Variants in IPCEF1 observed in about 807,000 individuals in gnomAD.
IPCEF1 encodes the protein interaction protein for cytohesin exchange factors 1.
Under a neutral mutation model 50.9 loss-of-function variants are expected in IPCEF1, and 31 were observed. The observed-to-expected ratio is 0.61, with a 90% CI of 0.46 to 0.82. IPCEF1 has a LOEUF of 0.82. Among genes scored for constraint, IPCEF1 ranks in the 40% least tolerant of loss-of-function variants. The probability of loss-of-function intolerance (pLI) is 0.00; values close to 1 mark genes in which losing one functional copy is unlikely to be tolerated. For synonymous variants in IPCEF1, 181 were observed against 192.0 expected (o/e 0.94, Z 0.47); for missense variants, 458 against 514.0 (o/e 0.89, Z 1.05).
At chr6:154,195,426 T>C (rs558888187) in intron 10 of IPCEF1, among the ~76,000 whole-genome samples, 5 of 152,092 alleles carry the variant, frequency 3.3e-5, no homozygotes, top group South Asian at 2.1e-4. Context: ...GGATTACAGG[T>C]GTGAGCCACC....
At chr6:154,250,919 T>A (rs1320539840) in intron 3 of IPCEF1, among the ~76,000 whole-genome samples, 1 of 152,184 alleles carries the variant, frequency 6.6e-6, no homozygotes, top group Non-Finnish European at 1.5e-5. Context: ...TACCAATATT[T>A]TAACAACCAA....
In IPCEF1 at chr6:154,353,567, A is replaced by C. The variant is rs180758960; in HGVS notation, c.-62+3105T>G. ...CTCCCAAAGTCCTGGGATTACAGGCATGAGAGCCACCGCACCCGGGCCTAT... is the reference window on the plus strand; with the variant it reads ...CTCCCAAAGTCCTGGGATTACAGGCCTGAGAGCCACCGCACCCGGGCCTAT... On this transcript the variant is annotated intron_variant, in intron 1 of 11. Transcript: ENST00000367220. 2.5e-3 allele frequency among the ~76,000 whole-genome samples: 382 copies of C among 152,312 alleles called. 1 individual carries two copies. The highest frequency in any genetic ancestry group is 8.7e-3 in the African/African-American group (360 of 41,578).
intron 3 of IPCEF1, among the ~76,000 whole-genome samples, chr6:154,256,613 T>TTC (rs1562568735): frequency 6.7e-6 from 1 of 149,584 alleles, no homozygotes. Flanking sequence ...CACTCTCACT[T>TTC]TCTCTCTCTC....
At chr6:154,304,364 C>T (rs1392478508) in intron 1 of IPCEF1, among the ~76,000 whole-genome samples, 1 of 152,142 alleles carries the variant, frequency 6.6e-6, no homozygotes, top group Admixed American at 6.5e-5. Context: ...AGACTTTATT[C>T]ATGTTGAGAA....
Position 154,200,005 on chromosome 6 carries a change from C to A in IPCEF1, c.573G>T (p.Leu191=). 6.2e-7 allele frequency: 1 copy of A among 1,614,056 alleles called. No homozygotes were observed. The highest frequency in any genetic ancestry group is 1.1e-5 in the South Asian group (1 of 91,034). The stretch of plus-strand genomic sequence containing the variant: ...AAGAGAAAGAATACGACGTTCCACT[C>A]AGGCTGGGTGAGGATGAAGATGCCT... ...AQQASSSSPS[L]SGTSYSFSSL... The change falls in exon 10 of 12, where the codon CTG becomes CTT. Residue 191 remains leucine (L), a synonymous_variant. Transcript: ENST00000367220.
At position 154,246,678 on chromosome 6, in the gene IPCEF1, C is replaced by G; in HGVS notation, c.159G>C (p.Lys53Asn). The change falls in exon 5 of 12, where the codon AAG becomes AAC. Residue 53 changes from lysine to asparagine, a missense_variant. Transcript: ENST00000367220. Reference sequence around the variant, plus strand: ...TGTTGCTTAGGAAACTTCCCTTTTCCTTTTTCTTATACAGCCACCCTTGGC... The same window carrying G: ...TGTTGCTTAGGAAACTTCCCTTTTCGTTTTTCTTATACAGCCACCCTTGGC... ...ADCQGWLYKK[K>N]EKGSFLSNKW... 1 of 1,614,064 alleles carries G rather than the reference C, an allele frequency of 6.2e-7. No homozygotes were observed. The highest frequency in any genetic ancestry group is 2.2e-5 in the East Asian group (1 of 44,884).
chr6:154,236,353 A>T (rs1255372402), intron 5 of IPCEF1, among the ~76,000 whole-genome samples: 2 of 152,226 alleles, frequency 1.3e-5, no homozygotes, highest in Admixed American at 1.3e-4. Context: ...TCAAATTCGT[A>T]GAGACAGAGA....
At chr6:154,223,478 G>T (rs1779021930) in intron 5 of IPCEF1, among the ~76,000 whole-genome samples, 1 of 152,172 alleles carries the variant, frequency 6.6e-6, no homozygotes, top group Non-Finnish European at 1.5e-5. Flanking sequence ...ACATGACACA[G>T]CTTAGGGATG....
chr6:154,329,383 C>T (rs1457872042), intron 1 of IPCEF1, among the ~76,000 whole-genome samples: 1 of 152,000 alleles, frequency 6.6e-6, no homozygotes, highest in Non-Finnish European at 1.5e-5. Context: ...ATCACTTGAG[C>T]TCAGGAGTTT....
intron 5 of IPCEF1, among the ~76,000 whole-genome samples, chr6:154,236,440 T>C (rs1430516575): frequency 6.6e-6 from 1 of 152,212 alleles, no homozygotes; most frequent in African/African-American, 2.4e-5. Flanking sequence ...GTCTCAGTTT[T>C]GCAAGACGAA....
intron 1 of IPCEF1, among the ~76,000 whole-genome samples, chr6:154,333,071 C>T (rs988028974): frequency 6.6e-6 from 1 of 152,138 alleles, no homozygotes. Context: ...GCTCCCAACG[C>T]TAGATTAACT....
intron 1 of IPCEF1, among the ~76,000 whole-genome samples, chr6:154,355,175 A>C (rs546211018): frequency 6.6e-6 from 1 of 152,220 alleles, no homozygotes; most frequent in South Asian, 2.1e-4. Context: ...TCAAAAGGAA[A>C]GTCTCAGGCA....
chr6:154,321,778 T>TAAAAAAAAAAAA (rs61648946), intron 1 of IPCEF1, among the ~76,000 whole-genome samples: 3 of 51,932 alleles, frequency 5.8e-5, no homozygotes, highest in African/African-American at 1.1e-4. Context: ...AGACTCTTTC[T>TAAAAAAAAAAAA]AAAAAAAAAA....
intron 5 of IPCEF1, among the ~76,000 whole-genome samples, chr6:154,242,037 G>A (rs189739581): frequency 5.3e-4 from 80 of 152,324 alleles, no homozygotes; most frequent in African/African-American, 1.8e-3. Flanking sequence ...CTGAGCTTCA[G>A]TAAACTCCCT....
At chr6:154,347,417 TTAA>T (rs1784052399) in intron 1 of IPCEF1, among the ~76,000 whole-genome samples, 1 of 152,202 alleles carries the variant, frequency 6.6e-6, no homozygotes, top group Non-Finnish European at 1.5e-5. Flanking sequence ...AGGGAACTAG[TTAA>T]TAATAACAGC....
intron 9 of IPCEF1, among the ~76,000 whole-genome samples, chr6:154,211,618 C>A (rs1014021724): frequency 6.6e-6 from 1 of 152,034 alleles, no homozygotes; most frequent in African/African-American, 2.4e-5. Flanking sequence ...GAAAAAAAGG[C>A]ACTCACCACA....
At chr6:154,196,950 A>G (rs1776669478) in intron 10 of IPCEF1, among the ~76,000 whole-genome samples, 1 of 152,228 alleles carries the variant, frequency 6.6e-6, no homozygotes, top group Non-Finnish European at 1.5e-5. Flanking sequence ...AACTGCAAAA[A>G]TATTTCTTTC....
intron 7 of IPCEF1, 73 bp downstream of exon 7, chr6:154,221,184 T>G: frequency 9.4e-7 from 1 of 1,059,848 alleles, no homozygotes; most frequent in Non-Finnish European, 1.4e-6. Context: ...GACATATGAT[T>G]AGAATTCCAG....
chr6:154,224,089 A>C (rs1779070502), intron 5 of IPCEF1, among the ~76,000 whole-genome samples: 2 of 152,248 alleles, frequency 1.3e-5, no homozygotes, highest in African/African-American at 4.8e-5. Context: ...ATCTTCTTTC[A>C]TCTACACTGG....
Sources: gnomAD v4.1 joint callset for allele counts (sites outside exome capture counted in the v4.1 genomes callset) on GRCh38, gnomAD v4.1.1 for gene constraint, MANE v1.5 for transcripts, NCBI Gene and HGNC (gene_info 2026-07-23, HGNC 2026-07-21) for gene names.